Variants in SUGCT observed in about 807,000 individuals in gnomAD.
SUGCT encodes the protein succinyl-CoA:glutarate-CoA transferase, also known as succinyl-CoA:glutarate CoA-transferase.
A neutral mutation model predicts 55.0 loss-of-function variants in SUGCT; 41 were observed. That is an observed-to-expected ratio of 0.74 (90% CI 0.58 to 0.97). The LOEUF (loss-of-function observed/expected upper bound fraction) is 0.97. Ranked by LOEUF, SUGCT falls within the 50% of genes least tolerant of loss-of-function variation. The probability of loss-of-function intolerance (pLI) is 0.00; values close to 1 mark genes in which losing one functional copy is unlikely to be tolerated. For synonymous variants in SUGCT, 187 were observed against 200.4 expected (o/e 0.93, Z 0.56); for missense variants, 568 against 547.8 (o/e 1.04, Z -0.37).
chr7:40,369,673 C>T (rs1403326226), intron 9 of SUGCT, among the ~76,000 whole-genome samples: 1 of 152,122 alleles, frequency 6.6e-6, no homozygotes, highest in Non-Finnish European at 1.5e-5. Context: ...TGAATCCAAT[C>T]TGGATTAGGA....
rs2150881703 is a variant in SUGCT at position 40,238,980 on chromosome 7, C to T, written c.576+1254C>T. ...AGATTACAGGTGCCAGCTACCATGA[C>T]CAGCTAATTTTTGTATTTTTAGTAG... On this transcript the variant is annotated intron_variant, in intron 7 of 13. Coordinates refer to ENST00000335693, the MANE Select transcript of SUGCT (RefSeq NM_001193313.2). Among the ~76,000 whole-genome samples the T allele has an allele frequency of 2.6e-5, 4 of 152,176 alleles. No homozygotes were observed. In the South Asian group the frequency reaches 8.3e-4, roughly 32 times the overall value.
chr7:40,251,001 TTTTG>T (rs144221592), intron 7 of SUGCT, among the ~76,000 whole-genome samples: 23,311 of 151,740 alleles, frequency 0.15, 2,233 homozygotes, highest in South Asian at 0.23. Context: ...TGCGCCTAAT[TTTTG>T]TTTTAGTGGA....
intron 9 of SUGCT, among the ~76,000 whole-genome samples, chr7:40,380,452 C>T (rs766057195): frequency 1.1e-4 from 16 of 152,136 alleles, no homozygotes; most frequent in Non-Finnish European, 1.8e-4. Flanking sequence ...CCCTGCCATT[C>T]GTGCTGATGT....
At chr7:40,969,366 A>G in the SUGCT span, among the ~76,000 whole-genome samples, 8 of 152,076 alleles carry the variant, frequency 5.3e-5, no homozygotes, top group Non-Finnish European at 8.8e-5. Context: ...GTATTTATGT[A>G]TTTATTTATT....
chr7:40,368,665 C>T (rs779597570), intron 9 of SUGCT, among the ~76,000 whole-genome samples: 3 of 152,140 alleles, frequency 2.0e-5, no homozygotes, highest in Non-Finnish European at 4.4e-5. Flanking sequence ...CTCTAATTTA[C>T]CACTACTCTG....
chr7:40,229,907 G>A (rs1788622395), intron 6 of SUGCT, among the ~76,000 whole-genome samples: 1 of 150,816 alleles, frequency 6.6e-6, no homozygotes, highest in African/African-American at 2.4e-5. Context: ...GAAATAAACA[G>A]AATCCAGGTA....
At chr7:40,350,685 A>C (rs1486317769) in intron 9 of SUGCT, among the ~76,000 whole-genome samples, 1 of 152,066 alleles carries the variant, frequency 6.6e-6, no homozygotes, top group Non-Finnish European at 1.5e-5. Flanking sequence ...GTACATATGC[A>C]GAATGTGTAG....
rs115785748 is a variant in SUGCT, at chr7:40,716,827, T to C, written c.1090-32607T>C. Among the ~76,000 whole-genome samples, 1,059 of 152,122 alleles carry C rather than the reference T, an allele frequency of 7.0e-3. 18 individuals are homozygous for C. The highest frequency in any genetic ancestry group is 0.024 in the African/African-American group (996 of 41,514). ...TAATATATTTTATAGATTTCAGATA[T>C]GGATTGAATGATGCAACATTATAAG... On this transcript the variant is annotated intron_variant, in intron 12 of 13. Transcript: ENST00000335693.
chr7:40,923,350 GA>G, the SUGCT span, among the ~76,000 whole-genome samples: 83 of 152,246 alleles, frequency 5.5e-4, no homozygotes, highest in African/African-American at 1.4e-3. Flanking sequence ...TTGAGAATCA[GA>G]AAAAACAAGG....
intron 12 of SUGCT, chr7:40,498,910 A>T (rs1288602568): frequency 8.2e-6 from 3 of 365,988 alleles, no homozygotes; most frequent in African/African-American, 6.4e-5. Flanking sequence ...ATATCTGCAA[A>T]ATCTATGCCA....
At chr7:41,001,047 A>T in the SUGCT span, among the ~76,000 whole-genome samples, 1 of 152,206 alleles carries the variant, frequency 6.6e-6, no homozygotes, top group South Asian at 2.1e-4. Flanking sequence ...GAGATGACAG[A>T]CAAGTCGGGA....
At chr7:40,521,398 G>C (rs1352027116) in intron 12 of SUGCT, among the ~76,000 whole-genome samples, 3 of 152,118 alleles carry the variant, frequency 2.0e-5, no homozygotes, top group Admixed American at 1.3e-4. Context: ...CTTTCTAATG[G>C]AAAATTGGGC....
chr7:40,695,778 A>G (rs1260852264), intron 12 of SUGCT, among the ~76,000 whole-genome samples: 2 of 152,144 alleles, frequency 1.3e-5, no homozygotes, highest in Non-Finnish European at 2.9e-5. Flanking sequence ...TAGGATGTTT[A>G]TCAGTTTCCC....
At chr7:40,924,577 C>T in the SUGCT span, among the ~76,000 whole-genome samples, 3 of 152,270 alleles carry the variant, frequency 2.0e-5, no homozygotes, top group Admixed American at 6.5e-5. Context: ...TTAGACCCTA[C>T]AGGAAGATGC....
intron 9 of SUGCT, among the ~76,000 whole-genome samples, chr7:40,344,271 CTT>C: frequency 6.6e-6 from 1 of 152,236 alleles, no homozygotes; most frequent in Non-Finnish European, 1.5e-5. Flanking sequence ...TTTTAAGACT[CTT>C]AACATCCAGA....
intron 9 of SUGCT, among the ~76,000 whole-genome samples, chr7:40,320,668 C>T (rs1414444486): frequency 6.6e-6 from 1 of 152,178 alleles, no homozygotes; most frequent in Non-Finnish European, 1.5e-5. Flanking sequence ...TCCATGTCCT[C>T]CTTTGTTTGT....
At chr7:40,996,327 C>T in the SUGCT span, among the ~76,000 whole-genome samples, 1 of 152,270 alleles carries the variant, frequency 6.6e-6, no homozygotes. Context: ...CCAGTCTGCA[C>T]GTGAAATTTG....
intron 12 of SUGCT, among the ~76,000 whole-genome samples, chr7:40,689,420 T>C (rs1202705648): frequency 2.0e-5 from 3 of 152,352 alleles, no homozygotes; most frequent in Non-Finnish European, 4.4e-5. Flanking sequence ...ATAGTTTGTT[T>C]AGAATGTCAC....
chr7:40,659,389 G>T (rs1025592392), intron 12 of SUGCT, among the ~76,000 whole-genome samples: 1 of 152,194 alleles, frequency 6.6e-6, no homozygotes, highest in East Asian at 1.9e-4. Context: ...GAAAGTCTCA[G>T]CTCCTCTCCA....
Sources: gnomAD v4.1 joint callset for allele counts (sites outside exome capture counted in the v4.1 genomes callset) on GRCh38, gnomAD v4.1.1 for gene constraint, MANE v1.5 for transcripts, NCBI Gene and HGNC (gene_info 2026-07-23, HGNC 2026-07-21) for gene names.